The following POTEF variants were observed in gnomAD, a reference collection of about 807,000 sequenced individuals.
POTEF encodes POTE ankyrin domain family member F, also known as ANKRD26-like family C member 1B.
Under a neutral mutation model 83.2 loss-of-function variants are expected in POTEF, and 20 were observed. The ratio of observed to expected loss-of-function variants is 0.24; its 90% CI spans 0.17 to 0.35. The LOEUF is 0.35. Ranked by LOEUF, POTEF falls within the 10% of genes least tolerant of loss-of-function variation. The pLI, the probability that POTEF is intolerant of heterozygous loss-of-function variation, is 1.00. For synonymous variants in POTEF, 196 were observed against 446.4 expected (o/e 0.44, Z 7.07); for missense variants, 550 against 1,203.2 (o/e 0.46, Z 8.03).
intron 7 of POTEF, chr2:130,109,326 CAT>C (rs1209514862): frequency 1.4e-4 from 20 of 140,384 alleles, no homozygotes; most frequent in African/African-American, 4.8e-4. Flanking sequence ...CCTACTTTTA[CAT>C]ATGATTAGTG....
chr2:130,119,540 T>C lies in POTEF; in HGVS notation c.521+455A>G, dbSNP rs574630984. Reference sequence around the variant, plus strand: ...TTCCCATTTCAGTTTCCTTCTAAGGTTCCTCAGTAAAGAACATATTTACAT... The same window carrying C: ...TTCCCATTTCAGTTTCCTTCTAAGGCTCCTCAGTAAAGAACATATTTACAT... On this transcript the variant is annotated intron_variant, in intron 3 of 16. Coordinates refer to ENST00000409914, the MANE Select transcript of POTEF (RefSeq NM_001099771.2). Among the ~76,000 whole-genome samples, 1,032 of 150,956 alleles carry C rather than the reference T, an allele frequency of 6.8e-3. 5 individuals carry two copies. The highest frequency in any genetic ancestry group is 9.0e-3 in the Non-Finnish European group (610 of 67,696).
At chr2:130,109,195 G>C (rs1374206942) in intron 7 of POTEF, 1 of 150,720 alleles carries the variant, frequency 6.6e-6, no homozygotes, top group Non-Finnish European at 1.5e-5. Context: ...TGACCTTCCA[G>C]TGACTGCACA....
At chr2:130,076,103 A>G (rs542466092) in intron 16 of POTEF, among the ~76,000 whole-genome samples, 2 of 92,774 alleles carry the variant, frequency 2.2e-5, no homozygotes, top group East Asian at 3.0e-4. Context: ...TACATTTCTA[A>G]TATTTCTATA....
chr2:130,120,024 A>G lies in POTEF; in HGVS notation c.492T>C (p.Thr164=). 1 of 1,272,480 alleles carries G rather than the reference A, an allele frequency of 7.9e-7. No homozygotes were observed. The highest frequency in any genetic ancestry group is 1.1e-6 in the Non-Finnish European group (1 of 909,722). 78.8% of individuals were successfully genotyped at this position (1,272,480 alleles called of 1,614,324 possible). A position where few individuals can be genotyped will look rare whatever the true frequency, so the allele number is the denominator to read the frequency against. ...RKDLIVMLRD[T]DVNKQDKQKR... is the part of the protein sequence containing the mutation. The stretch of plus-strand genomic sequence containing the variant: ...TTTGCTTGTCCTGCTTGTTCACGTC[A>G]GTGTCCCTGAGCATGACGATGAGAT... The change falls in exon 3 of 17, where the codon ACT becomes ACC. Residue 164 remains threonine (T), a synonymous_variant. Coordinates refer to ENST00000409914, the MANE Select transcript of POTEF (RefSeq NM_001099771.2).
In POTEF at chr2:130,080,097, T is replaced by C. The variant is rs1350104214; in HGVS notation, c.1779-2896A>G. On this transcript the variant is annotated intron_variant, in intron 15 of 16. Transcript: ENST00000409914. ...CTGGTCTTTCCTCAACACCTGGGAA[T>C]TACAATTTGACATGAGATTTGCATA... Among the ~76,000 whole-genome samples the C allele has an allele frequency of 1.0e-4, 3 of 28,648 alleles. 1 individual carries two copies. The highest frequency in any genetic ancestry group is 1.8e-4 in the Non-Finnish European group (3 of 16,638). 18.8% of individuals were successfully genotyped at this position (28,648 alleles called of 152,430 possible). A position where few individuals can be genotyped will look rare whatever the true frequency, so the allele number is the denominator to read the frequency against.
chr2:130,105,259 TA>T (rs1212909709), intron 8 of POTEF, among the ~76,000 whole-genome samples: 95 of 151,024 alleles, frequency 6.3e-4, no homozygotes, highest in Admixed American at 1.1e-3. Context: ...ATTTCTTACA[TA>T]AAAAAAATTA....
intron 7 of POTEF, chr2:130,109,191 T>C (rs1474548100): frequency 6.6e-6 from 1 of 150,864 alleles, no homozygotes; most frequent in East Asian, 1.9e-4. Flanking sequence ...CAAATGACCT[T>C]CCAGTGACTG....
intron 7 of POTEF, among the ~76,000 whole-genome samples, chr2:130,108,861 C>T (rs2122972): frequency 1.3e-5 from 2 of 148,538 alleles, no homozygotes; most frequent in East Asian, 2.0e-4. Flanking sequence ...CCTTCTCTAC[C>T]GACTCAAACT....
intron 7 of POTEF, among the ~76,000 whole-genome samples, chr2:130,108,899 A>C (rs1226759241): frequency 6.6e-6 from 1 of 151,150 alleles, no homozygotes; most frequent in African/African-American, 2.5e-5. Flanking sequence ...TGTTAGGATA[A>C]TGCTTTATAT....
rs368389320 is a variant in POTEF at position 130,075,053 on chromosome 2, C to T, written c.2419G>A (p.Glu807Lys). The T allele has an allele frequency of 1.9e-5, 31 of 1,613,666 alleles. 2 individuals carry two copies. Among genetic ancestry groups the T allele is most frequent in the Non-Finnish European group, 2.5e-5 (29 of 1,179,964 alleles). Reference protein sequence around the residue: ...APEEHPVLLTEATLNPKANRE... With the variant: ...APEEHPVLLTKATLNPKANRE... ...TTGGCCTTAGGGTTCAGGGTGGCCT[C>T]GGTCAGCAGGACGGGGTGCTCCTCG... The change falls in exon 17 of 17, where the codon GAG becomes AAG. Residue 807 changes from glutamate to lysine, a missense_variant. Transcript: ENST00000409914.
chr2:130,107,807 G>C (rs1012665484), intron 8 of POTEF: 2 of 566,558 alleles, frequency 3.5e-6, no homozygotes, highest in Admixed American at 3.5e-5. Flanking sequence ...CTACATTATG[G>C]TAAGTTGTAT....
intron 2 of POTEF, among the ~76,000 whole-genome samples, chr2:130,125,467 T>C (rs1685071944): frequency 6.7e-6 from 1 of 149,260 alleles, no homozygotes; most frequent in Non-Finnish European, 1.5e-5. Flanking sequence ...GCTTGAAAAA[T>C]GATACAATAT....
At chr2:130,100,826 T>C (rs1379451969) in intron 9 of POTEF, 106 bp from the exon 10 acceptor site, 14 of 1,132,844 alleles carry the variant, frequency 1.2e-5, no homozygotes, top group Non-Finnish European at 1.6e-5. Context: ...TAATCAAGTA[T>C]GGACAATGAA....
intron 3 of POTEF, among the ~76,000 whole-genome samples, chr2:130,118,003 C>T (rs1375452515): frequency 1.1e-4 from 17 of 150,696 alleles, no homozygotes; most frequent in East Asian, 3.9e-4. Flanking sequence ...TGTAGTGGCG[C>T]GATCTCGGCT....
intron 8 of POTEF, among the ~76,000 whole-genome samples, chr2:130,103,227 G>A (rs544891539): frequency 4.9e-4 from 72 of 148,114 alleles, no homozygotes; most frequent in Non-Finnish European, 7.0e-4. Flanking sequence ...CTCAGTCTCC[G>A]GAGAAGCTGG....
chr2:130,107,675 G>C, intron 8 of POTEF: 1 of 327,150 alleles, frequency 3.1e-6, no homozygotes, highest in South Asian at 3.1e-5. Context: ...CTGCCCATCT[G>C]AGGGATCTAG....
In POTEF at chr2:130,090,752, C is replaced by G. The variant is rs1684103333; in HGVS notation, c.1481-2615G>C. 1.4e-5 allele frequency among the ~76,000 whole-genome samples: 2 copies of G among 139,114 alleles called. 1 individual carries two copies. Among genetic ancestry groups the G allele is most frequent in the Non-Finnish European group, 3.1e-5 (2 of 64,452 alleles). 91.3% of individuals were successfully genotyped at this position (139,114 alleles called of 152,430 possible). A position where few individuals can be genotyped will look rare whatever the true frequency, so the allele number is the denominator to read the frequency against. On this transcript the variant is annotated intron_variant, in intron 12 of 16. Coordinates refer to ENST00000409914, the MANE Select transcript of POTEF (RefSeq NM_001099771.2). ...CAAGTGAAAAAGGCATAACGAAGGC[C>G]AACATAGTAAAATGAGTAACTGAGA... is the stretch of plus-strand genomic sequence containing the variant.
intron 2 of POTEF, among the ~76,000 whole-genome samples, chr2:130,123,272 G>A (rs577950320): frequency 6.8e-5 from 10 of 147,128 alleles, no homozygotes; most frequent in South Asian, 2.2e-4. Context: ...GTGGTCTCTC[G>A]GAACAAATCC....
intron 2 of POTEF, among the ~76,000 whole-genome samples, chr2:130,126,287 G>C (rs1192343124): frequency 1.2e-5 from 1 of 86,788 alleles, no homozygotes; most frequent in African/African-American, 4.9e-5. Flanking sequence ...TGGGCAACAA[G>C]AGCAAAACTC....
Sources: gnomAD v4.1 joint callset for allele counts (sites outside exome capture counted in the v4.1 genomes callset) on GRCh38, gnomAD v4.1.1 for gene constraint, MANE v1.5 for transcripts, NCBI Gene and HGNC (gene_info 2026-07-23, HGNC 2026-07-21) for gene names.